Variants in SPRYD3 observed in about 807,000 individuals in gnomAD.
The protein encoded by SPRYD3 is SPRY domain containing 3.
A neutral mutation model predicts 50.1 loss-of-function variants in SPRYD3; 17 were observed. The observed-to-expected ratio is 0.34, with a 90% confidence interval of 0.23 to 0.51. SPRYD3 has a LOEUF of 0.51. Ranked by LOEUF, SPRYD3 falls within the 20% of genes least tolerant of loss-of-function variation. The pLI is 0.97. For missense variants in SPRYD3, 401 were observed against 591.2 expected, an observed-to-expected ratio of 0.68 and a Z score of 3.34; for synonymous variants, 198 against 215.5, an observed-to-expected ratio of 0.92 and a Z score of 0.71.
intron 6 of SPRYD3, among the ~76,000 whole-genome samples, chr12:53,069,059 AGATGACT>A: frequency 6.6e-6 from 1 of 151,964 alleles, no homozygotes; most frequent in South Asian, 2.1e-4. Flanking sequence ...AGGATAGGGG[AGATGACT>A]GATGGGTTCT....
intron 10 of SPRYD3, 40 bp downstream of exon 10, chr12:53,066,274 C>T (rs752873642): frequency 1.9e-6 from 3 of 1,600,116 alleles, no homozygotes; most frequent in African/African-American, 2.7e-5. Context: ...TTTGCCCAGA[C>T]CCAAAAACCC....
In SPRYD3 at chr12:53,077,091, G is replaced by A. The variant is rs769363730; in HGVS notation, c.170+24C>T. ...TAAGATCTGGAACAGAGAAGAAAAT[G>A]TGGAAGCATTCTCCTGAACTCACCT... On this transcript the variant is annotated intron_variant, in intron 2 of 10. Transcript: ENST00000301463. 1.1e-5 allele frequency: 17 copies of A among 1,607,752 alleles called. No individual in the cohort carries two copies. The Admixed American group carries it at 2.5e-4, about 24-fold the overall frequency.
intron 6 of SPRYD3, among the ~76,000 whole-genome samples, chr12:53,071,415 G>A (rs1944548845): frequency 6.6e-6 from 1 of 152,212 alleles, no homozygotes; most frequent in Non-Finnish European, 1.5e-5. Flanking sequence ...TGCGAGGCCT[G>A]GAGGCAGGGA....
rs1944574079 is a variant in SPRYD3 at position 53,074,533 on chromosome 12, G to A, written c.507+116C>T. ...TCTGAGGCTGGACTGGAGGAGATGG[G>A]AACTCAGTGCAAGGGTCCCTGGGCA... On this transcript the variant is annotated intron_variant, in intron 5 of 10. Coordinates refer to ENST00000301463, the MANE Select transcript of SPRYD3 (RefSeq NM_032840.3). The surrounding 1 kb of genome is among the most constrained non-coding windows in gnomAD (Gnocchi z 4.6). The A allele has an allele frequency of 1.6e-6, 2 of 1,257,714 alleles. No individual in the cohort carries two copies. Among genetic ancestry groups the A allele is most frequent in the African/African-American group, 1.5e-5 (1 of 67,426 alleles). The allele number at this position is 1,257,714 out of a possible 1,614,324, so 77.9% of individuals were successfully genotyped here.
chr12:53,075,754 C>T lies in SPRYD3; in HGVS notation c.228G>A (p.Lys76=), dbSNP rs1172610039. 1 of 1,614,038 alleles carries T rather than the reference C, an allele frequency of 6.2e-7. No homozygotes were observed. Among genetic ancestry groups the T allele is most frequent in the Non-Finnish European group, 8.5e-7 (1 of 1,179,936 alleles). Residue 76 remains lysine, a synonymous_variant, in exon 3 of 11, where the codon AAG becomes AAA. Coordinates refer to ENST00000301463, the MANE Select transcript of SPRYD3 (RefSeq NM_032840.3). ...TGATCACCTCAAAATAATTGCTGTC[C>T]TTGGTCAGGGGTCGAGAAGCCACGT... ...GCYVASRPLT[K]DSNYFEVSIV... is the part of the protein sequence containing the mutation.
intron 7 of SPRYD3, 101 bp downstream of exon 7, chr12:53,068,054 C>T: frequency 7.2e-7 from 1 of 1,392,754 alleles, no homozygotes; most frequent in Non-Finnish European, 1.0e-6. Flanking sequence ...CCCTCCAAAG[C>T]CTGGGCTCCC....
At position 53,066,298 on chromosome 12, in the gene SPRYD3, A is replaced by G. The variant is rs367823996; in HGVS notation, c.1194+16T>C. Reference sequence around the variant, plus strand: ...ACCCAAAAACCCTGGTCCCACCTCAAACTCTCCGTACTCACCACCACCTTC... The same window carrying G: ...ACCCAAAAACCCTGGTCCCACCTCAGACTCTCCGTACTCACCACCACCTTC... On this transcript the variant is annotated intron_variant, in intron 10 of 10. Coordinates refer to ENST00000301463, the MANE Select transcript of SPRYD3 (RefSeq NM_032840.3). The G allele has an allele frequency of 6.2e-7, 1 of 1,610,644 alleles. No individual in the cohort carries two copies. Among genetic ancestry groups the G allele is most frequent in the African/African-American group, 1.3e-5 (1 of 74,930 alleles).
rs912402403 is a variant in SPRYD3 at position 53,073,808 on chromosome 12, C to T, written c.508-337G>A. Among the ~76,000 whole-genome samples, 4 of 148,240 alleles carry T rather than the reference C, an allele frequency of 2.7e-5. No homozygotes were observed. In the East Asian group the frequency reaches 7.9e-4, roughly 29 times the overall value. Reference sequence around the variant, plus strand: ...GCAGTGAGCCGAGATGGTGCCACTGCACTCCAGCCTGGGGGACAGAGCGAG... The same window carrying T: ...GCAGTGAGCCGAGATGGTGCCACTGTACTCCAGCCTGGGGGACAGAGCGAG... On this transcript the variant is annotated intron_variant, in intron 5 of 10. Transcript: ENST00000301463.
At chr12:53,073,843 CAAAA>C (rs1179115235) in intron 5 of SPRYD3, among the ~76,000 whole-genome samples, 1 of 63,636 alleles carries the variant, frequency 1.6e-5, no homozygotes, top group Non-Finnish European at 3.2e-5. Flanking sequence ...GACTCCATTT[CAAAA>C]AAAAAAAAAA....
rs752091840 is a variant in SPRYD3 at position 53,065,794 on chromosome 12, G to GA, written c.*37_*38insT. On this transcript the variant is annotated 3_prime_UTR_variant, in exon 11 of 11. Coordinates refer to ENST00000301463, the MANE Select transcript of SPRYD3 (RefSeq NM_032840.3). ...GAACTGGGTGCCTGGCCCAGCAGAG[G>GA]GTGAGCAGGGAGAAGGAGCAGGTCT... is the stretch of plus-strand genomic sequence containing the variant. 7.5e-6 allele frequency: 12 copies of GA among 1,593,138 alleles called. No individual in the cohort carries two copies. The highest frequency in any genetic ancestry group is 9.4e-6 in the Non-Finnish European group (11 of 1,166,378).
At chr12:53,073,748 G>C (rs1163434473) in intron 5 of SPRYD3, among the ~76,000 whole-genome samples, 1 of 151,826 alleles carries the variant, frequency 6.6e-6, no homozygotes, top group Non-Finnish European at 1.5e-5. Context: ...GGAGGCTGAG[G>C]CAGGAGAATG....
At chr12:53,066,109 A>G in intron 10 of SPRYD3, 143 bp from the exon 11 acceptor site, 1 of 1,353,082 alleles carries the variant, frequency 7.4e-7, no homozygotes, top group Admixed American at 2.2e-5. Context: ...ATGGGAAGTG[A>G]CCACCAGAGG....
intron 9 of SPRYD3, 42 bp downstream of exon 9, chr12:53,066,529 CCT>C: frequency 6.2e-7 from 1 of 1,614,006 alleles, no homozygotes; most frequent in Non-Finnish European, 8.5e-7. Context: ...GCCTTTCCAC[CCT>C]CGGCCCCAAG....
intron 6 of SPRYD3, 25 bp downstream of exon 6, chr12:53,073,261 T>TGCC: frequency 9.2e-6 from 1 of 108,968 alleles, no homozygotes; most frequent in Non-Finnish European, 1.9e-5. Flanking sequence ...ACCCAGCCCC[T>TGCC]CCCACCCTCC....
intron 6 of SPRYD3, among the ~76,000 whole-genome samples, chr12:53,070,162 C>T (rs1470317593): frequency 6.6e-6 from 1 of 152,204 alleles, no homozygotes; most frequent in Non-Finnish European, 1.5e-5. Context: ...TGCTGATGTC[C>T]TGGACGACTA....
chr12:53,072,921 C>G (rs974233235), intron 6 of SPRYD3, among the ~76,000 whole-genome samples: 21 of 152,312 alleles, frequency 1.4e-4, no homozygotes, highest in South Asian at 2.1e-4. Flanking sequence ...GAATGAAAAG[C>G]CTGGGCCAGG....
At chr12:53,075,629 G>A (rs1944582516) in intron 3 of SPRYD3, 107 bp downstream of exon 3, 1 of 903,540 alleles carries the variant, frequency 1.1e-6, no homozygotes, top group Non-Finnish European at 1.8e-6. Context: ...AGCCCTGATG[G>A]AAAATTAAAA....
chr12:53,073,550 A>C, intron 5 of SPRYD3, 79 bp from the exon 6 acceptor site: 1 of 1,244,684 alleles, frequency 8.0e-7, no homozygotes, highest in Non-Finnish European at 1.1e-6. Flanking sequence ...GGTACTTTTA[A>C]GATGATGCAA....
Position 53,073,469 on chromosome 12 carries a change from C to T in SPRYD3, c.510G>A (p.Val170=). The T allele has an allele frequency of 2.4e-5, 37 of 1,532,590 alleles. No individual in the cohort carries two copies. Among genetic ancestry groups the T allele is most frequent in the Non-Finnish European group, 3.3e-5 (37 of 1,130,176 alleles). The allele number at this position is 1,532,590 out of a possible 1,614,324, so 94.9% of individuals were successfully genotyped here. ...QIFFTKNGKR[V]GSTIMPMSPD... ...GGGACATGGGCATGATGGTAGAGCCCACCTGCAGTGGGGGGAAAGACGGAG... is the reference window on the plus strand; with the variant it reads ...GGGACATGGGCATGATGGTAGAGCCTACCTGCAGTGGGGGGAAAGACGGAG... The change falls in exon 6 of 11, where the codon GTG becomes GTA. Residue 170 remains valine, a splice_region_variant and synonymous_variant. Coordinates refer to ENST00000301463, the MANE Select transcript of SPRYD3 (RefSeq NM_032840.3).
Sources: gnomAD v4.1 joint callset for allele counts (sites outside exome capture counted in the v4.1 genomes callset) on GRCh38, gnomAD v4.1.1 for gene constraint, Gnocchi (gnomAD v3.1) non-coding constraint, MANE v1.5 for transcripts, NCBI Gene and HGNC (gene_info 2026-07-23, HGNC 2026-07-21) for gene names.